Variants in LRMDA observed in about 807,000 individuals in gnomAD.
The protein encoded by LRMDA is leucine-rich melanocyte differentiation-associated protein.
Under a neutral mutation model 29.8 loss-of-function variants are expected in LRMDA, and 18 were observed. That is an observed-to-expected ratio of 0.60 (90% confidence interval 0.42 to 0.90). The LOEUF is 0.90. Among genes scored for constraint, LRMDA ranks in the 40% least tolerant of loss-of-function variants. The pLI, the probability that LRMDA is intolerant of heterozygous loss-of-function variation, is 0.00. For missense variants in LRMDA, 273 were observed against 273.9 expected (o/e 1.00, Z 0.02); for synonymous variants, 125 against 109.4 (o/e 1.14, Z -0.89).
At chr10:76,124,028 A>C (rs140849950) in intron 5 of LRMDA, among the ~76,000 whole-genome samples, 19 of 152,194 alleles carry the variant, frequency 1.2e-4, no homozygotes, top group African/African-American at 4.6e-4. Context: ...AACTTTTGTT[A>C]ATCTTGCTTT....
chr10:75,497,802 G>C (rs973471890), intron 2 of LRMDA, among the ~76,000 whole-genome samples: 1 of 152,034 alleles, frequency 6.6e-6, no homozygotes, highest in Non-Finnish European at 1.5e-5. Flanking sequence ...GGTTCTTCTT[G>C]TTGTTGAATC....
At chr10:76,049,086 T>C (rs1377161240) in intron 4 of LRMDA, among the ~76,000 whole-genome samples, 3 of 152,158 alleles carry the variant, frequency 2.0e-5, no homozygotes, top group Admixed American at 2.0e-4. Flanking sequence ...AGGACTATGA[T>C]TCAGACTCAA....
At chr10:76,247,751 A>T (rs1050988698) in intron 5 of LRMDA, among the ~76,000 whole-genome samples, 10 of 152,106 alleles carry the variant, frequency 6.6e-5, no homozygotes, top group Admixed American at 1.3e-4. Flanking sequence ...GTAGGGCGTT[A>T]GCAAACATGA....
At chr10:75,653,571 G>GA (rs758850655) in intron 2 of LRMDA, among the ~76,000 whole-genome samples, 5 of 152,194 alleles carry the variant, frequency 3.3e-5, no homozygotes, top group Non-Finnish European at 7.3e-5. Context: ...CTGTAATAAT[G>GA]AAAATATAAT....
At chr10:76,332,717 A>G (rs961717777) in intron 6 of LRMDA, among the ~76,000 whole-genome samples, 5 of 152,332 alleles carry the variant, frequency 3.3e-5, no homozygotes, top group Admixed American at 6.5e-5. Context: ...GCCCCTTTTT[A>G]TAAAGAAAAA....
intron 4 of LRMDA, among the ~76,000 whole-genome samples, chr10:76,049,803 A>G (rs1390147610): frequency 6.6e-6 from 1 of 152,118 alleles, no homozygotes; most frequent in Non-Finnish European, 1.5e-5. Context: ...ACAAAACACG[A>G]GGTTTGCCTT....
chr10:76,280,278 G>C (rs1156280483), intron 5 of LRMDA, among the ~76,000 whole-genome samples: 1 of 152,120 alleles, frequency 6.6e-6, no homozygotes, highest in African/African-American at 2.4e-5. Context: ...AGAATGAAGG[G>C]CAGGTATTGA....
In LRMDA at chr10:76,136,108, CT is replaced by C. The variant is rs1175929674; in HGVS notation, c.516+77328del. On this transcript the variant is annotated intron_variant, in intron 5 of 6. Coordinates refer to ENST00000611255, the MANE Select transcript of LRMDA (RefSeq NM_001305581.2). ...TTGTTAAATTAATGAATGGATGAGACTTTAATCTTGAACTTCCTTGGAAAAG... is the reference window on the plus strand; with the variant it reads ...TTGTTAAATTAATGAATGGATGAGACTTAATCTTGAACTTCCTTGGAAAAG... 3.9e-5 allele frequency among the ~76,000 whole-genome samples: 6 copies of C among 152,242 alleles called. No individual in the cohort carries two copies. The East Asian group carries it at 1.2e-3, about 29-fold the overall frequency.
intron 6 of LRMDA, among the ~76,000 whole-genome samples, chr10:76,475,557 C>T (rs1277213800): frequency 6.6e-6 from 1 of 152,062 alleles, no homozygotes; most frequent in Non-Finnish European, 1.5e-5. Flanking sequence ...ACCTAATAGA[C>T]ATCTACAGAA....
intron 2 of LRMDA, among the ~76,000 whole-genome samples, chr10:75,647,155 C>G (rs1841532725): frequency 6.6e-6 from 1 of 152,196 alleles, no homozygotes; most frequent in South Asian, 2.1e-4. Context: ...TCCTCTCCTA[C>G]CCTCCTTCAC....
At chr10:76,264,118 G>A (rs1382627519) in intron 5 of LRMDA, among the ~76,000 whole-genome samples, 1 of 152,046 alleles carries the variant, frequency 6.6e-6, no homozygotes, top group Non-Finnish European at 1.5e-5. Flanking sequence ...GCAGGTTGAG[G>A]CCAGCCATGA....
chr10:76,409,469 A>G (rs1841935502), intron 6 of LRMDA, among the ~76,000 whole-genome samples: 1 of 152,218 alleles, frequency 6.6e-6, no homozygotes, highest in Admixed American at 6.5e-5. Context: ...TTTATTTTAT[A>G]AAATTTAGAC....
At chr10:76,181,227 G>C (rs1851043245) in intron 5 of LRMDA, among the ~76,000 whole-genome samples, 1 of 152,164 alleles carries the variant, frequency 6.6e-6, no homozygotes, top group Non-Finnish European at 1.5e-5. Flanking sequence ...ACCTCTTCCA[G>C]GCTGATGATG....
At chr10:76,439,636 A>G (rs968070533) in intron 6 of LRMDA, among the ~76,000 whole-genome samples, 3 of 152,192 alleles carry the variant, frequency 2.0e-5, no homozygotes, top group African/African-American at 7.2e-5. Context: ...TGATCTCAGG[A>G]TTAGACAAGA....
rs542928273 is a variant in LRMDA at position 76,123,873 on chromosome 10, G to A, written c.516+65090G>A. On this transcript the variant is annotated intron_variant, in intron 5 of 6. Transcript: ENST00000611255. The stretch of plus-strand genomic sequence containing the variant: ...ATGTTAGGGGATGCGGCAAATATTT[G>A]CAGAATGAATTAATAACTGGTTGAA... Among the ~76,000 whole-genome samples the A allele has an allele frequency of 2.6e-5, 4 of 152,318 alleles. No individual in the cohort carries two copies. In the South Asian group the frequency reaches 8.3e-4, roughly 32 times the overall value.
At chr10:76,122,029 G>A (rs1849798803) in intron 5 of LRMDA, among the ~76,000 whole-genome samples, 1 of 152,178 alleles carries the variant, frequency 6.6e-6, no homozygotes, top group Admixed American at 6.5e-5. Flanking sequence ...AAATAAATAT[G>A]TGTCAAGCAG....
At chr10:75,437,974 A>G (rs1448938802) in intron 1 of LRMDA, among the ~76,000 whole-genome samples, 4 of 152,190 alleles carry the variant, frequency 2.6e-5, no homozygotes, top group Admixed American at 2.6e-4. Context: ...TGTGTCTTTT[A>G]TGAGGTAATG....
chr10:75,448,585 TG>T (rs1397267263), intron 2 of LRMDA, among the ~76,000 whole-genome samples: 6 of 152,220 alleles, frequency 3.9e-5, no homozygotes, highest in East Asian at 1.9e-4. Flanking sequence ...GTCACAGTGA[TG>T]GGGGTGGGCT....
chr10:75,525,316 G>A (rs374097145), intron 2 of LRMDA, among the ~76,000 whole-genome samples: 5 of 152,212 alleles, frequency 3.3e-5, no homozygotes, highest in African/African-American at 7.2e-5. Flanking sequence ...TGGTTTGTGA[G>A]TACCTTTTGT....
Sources: allele counts gnomAD v4.1 joint callset (sites outside exome capture counted in the v4.1 genomes callset), GRCh38; gene constraint gnomAD v4.1.1; transcripts MANE v1.5; gene names NCBI Gene and HGNC (gene_info 2026-07-23, HGNC 2026-07-21).